ENTPD4: variants seen among roughly 807,000 people sequenced by gnomAD.
ENTPD4 encodes the protein Golgi UDPase.
ENTPD4 carries 60 observed loss-of-function variants against 79.1 expected under a neutral mutation model. That is an observed-to-expected ratio of 0.76 (90% CI 0.62 to 0.94). The LOEUF is 0.94. ENTPD4 is among the 40% of genes least tolerant of loss of function. ENTPD4 has a pLI of 0.00. For missense variants in ENTPD4, 772 were observed against 775.1 expected (o/e 1.00, Z 0.05); for synonymous variants, 276 against 292.0 (o/e 0.95, Z 0.56).
intron 8 of ENTPD4, among the ~76,000 whole-genome samples, chr8:23,441,014 A>C (rs1800658707): frequency 6.6e-6 from 1 of 152,242 alleles, no homozygotes; most frequent in African/African-American, 2.4e-5. Flanking sequence ...GGAGTAATAA[A>C]GACGTGTAGC....
At chr8:23,456,291 C>G (rs1800956690) in intron 1 of ENTPD4, among the ~76,000 whole-genome samples, 1 of 152,230 alleles carries the variant, frequency 6.6e-6, no homozygotes, top group Non-Finnish European at 1.5e-5. Context: ...ACTAACAGCA[C>G]TTCCTCCGAG....
intron 9 of ENTPD4, among the ~76,000 whole-genome samples, chr8:23,438,009 G>A (rs1487078692): frequency 6.6e-6 from 1 of 152,200 alleles, no homozygotes; most frequent in Non-Finnish European, 1.5e-5. Flanking sequence ...CCCAACTGCA[G>A]CAGACAGCAG....
intron 5 of ENTPD4, 60 bp from the exon 6 acceptor site, chr8:23,444,013 GA>G: frequency 8.6e-7 from 1 of 1,158,126 alleles, no homozygotes; most frequent in East Asian, 2.4e-5. Context: ...CTTCTGTTTA[GA>G]AAAGGAAAAA....
chr8:23,447,563 G>C (rs771612244), intron 4 of ENTPD4, 117 bp downstream of exon 4: 6 of 804,456 alleles, frequency 7.5e-6, no homozygotes, highest in African/African-American at 1.7e-5. Context: ...AGACCCATCA[G>C]GTCCTGGTGT....
In ENTPD4 at chr8:23,437,111, G is replaced by A. The variant is rs147868072; in HGVS notation, c.1197C>T (p.Ile399=). The stretch of plus-strand genomic sequence containing the variant: ...CGTTTGTTTTATTCATGAAAGGCTG[G>A]ATAGTCTCTCGACACAGGTCAAAGT... ...TGDFDLCRET[I]QPFMNKTNET... is the part of the protein sequence containing the mutation. The change falls in exon 10 of 13, where the codon ATC becomes ATT. Residue 399 remains isoleucine (I), a synonymous_variant. Coordinates refer to ENST00000358689, the MANE Select transcript of ENTPD4 (RefSeq NM_004901.5). 1.5e-5 allele frequency: 24 copies of A among 1,614,100 alleles called. No individual in the cohort carries two copies. Among genetic ancestry groups the A allele is most frequent in the Non-Finnish European group, 5.1e-6 (6 of 1,180,028 alleles).
intron 1 of ENTPD4, among the ~76,000 whole-genome samples, chr8:23,451,694 C>T (rs977033478): frequency 6.6e-6 from 1 of 152,176 alleles, no homozygotes; most frequent in Non-Finnish European, 1.5e-5. Flanking sequence ...ACCAATGTTC[C>T]GAGTGGTCTT....
At chr8:23,445,055 A>G (rs972696964) in intron 4 of ENTPD4, among the ~76,000 whole-genome samples, 1 of 152,126 alleles carries the variant, frequency 6.6e-6, no homozygotes, top group South Asian at 2.1e-4. Flanking sequence ...GCCACCCCCA[A>G]TGCATCATGG....
chr8:23,441,587 G>C lies in ENTPD4; in HGVS notation c.864C>G (p.Ser288Arg). The change falls in exon 8 of 13, where the codon AGC becomes AGG. Residue 288 changes from serine (S) to arginine (R), a missense_variant. Coordinates refer to ENST00000358689, the MANE Select transcript of ENTPD4 (RefSeq NM_004901.5). The part of the protein sequence containing the change: ...QIAYEVPKTV[S>R]FASSQQEEVA... ...TAATGACCTGCTGTGAGGACGCAAA[G>C]CTTACAGTTTTGGGGACTTCGTACG... The C allele has an allele frequency of 6.2e-7, 1 of 1,614,136 alleles. No homozygotes were observed.
Position 23,437,223 on chromosome 8 carries a change from A to AT in ENTPD4, c.1084dup (p.Met362AsnfsTer13). The AT allele has an allele frequency of 6.2e-7, 1 of 1,613,510 alleles. No homozygotes were observed. Among genetic ancestry groups the AT allele is most frequent in the South Asian group, 1.1e-5 (1 of 91,020 alleles). ...GGGTAGGCAGGGGTCCAAGTACGGC[A>AT]TATCAGGAGTCAGACCAGTCTGTTT... On this transcript the variant is annotated frameshift_variant, in exon 10 of 13. Transcript: ENST00000358689. LOFTEE classifies it high-confidence loss of function.
At chr8:23,446,493 A>T (rs1800765462) in intron 4 of ENTPD4, among the ~76,000 whole-genome samples, 4 of 152,270 alleles carry the variant, frequency 2.6e-5, no homozygotes, top group Admixed American at 2.6e-4. Flanking sequence ...AAAACTTAGA[A>T]GACACTCACT....
At chr8:23,433,177 A>C in intron 12 of ENTPD4, 23 bp from the exon 13 acceptor site, 2 of 1,604,210 alleles carry the variant, frequency 1.2e-6, no homozygotes, top group South Asian at 1.1e-5. Context: ...ACACCAAACA[A>C]CAAACAGGAC....
Position 23,429,522 on chromosome 8 carries a change from A to G in ENTPD4, c.*3404T>C, listed in dbSNP as rs114290451. The G allele has an allele frequency of 2.3e-3, 2,307 of 985,438 alleles. 33 individuals carry two copies. The African/African-American group carries it at 0.032, about 14-fold the overall frequency. The allele number at this position is 985,438 out of a possible 1,614,324, so 61.0% of individuals were successfully genotyped here. A position where few individuals can be genotyped will look rare whatever the true frequency, so the allele number is the denominator to read the frequency against. On this transcript the variant is annotated 3_prime_UTR_variant, in exon 13 of 13. Transcript: ENST00000358689. The stretch of plus-strand genomic sequence containing the variant: ...CACAACTGACCGCAGAGAATTCTAA[A>G]GCTGATTTTTTTCTTAAAGGATGAA...
At chr8:23,456,739 C>T (rs1306203738) in intron 1 of ENTPD4, among the ~76,000 whole-genome samples, 1 of 152,212 alleles carries the variant, frequency 6.6e-6, no homozygotes, top group Admixed American at 6.5e-5. Context: ...AATAATATAA[C>T]TCTTTTAGGC....
chr8:23,429,813 G>A lies in ENTPD4; in HGVS notation c.*3113C>T. Reference sequence around the variant, plus strand: ...TCAGAAAGCACTGCCTAAAGCCGGAGCTTAGGATGAACATGGGCAAAAAGC... The same window carrying A: ...TCAGAAAGCACTGCCTAAAGCCGGAACTTAGGATGAACATGGGCAAAAAGC... On this transcript the variant is annotated 3_prime_UTR_variant, in exon 13 of 13. Transcript: ENST00000358689. 3.0e-6 allele frequency: 3 copies of A among 985,454 alleles called. No homozygotes were observed. The highest frequency in any genetic ancestry group is 3.6e-6 in the Non-Finnish European group (3 of 829,934). The allele number at this position is 985,454 out of a possible 1,614,324, so 61.0% of individuals were successfully genotyped here. A position where few individuals can be genotyped will look rare whatever the true frequency, so the allele number is the denominator to read the frequency against.
chr8:23,433,890 A>G (rs1290457130), intron 12 of ENTPD4, among the ~76,000 whole-genome samples: 1 of 152,264 alleles, frequency 6.6e-6, no homozygotes, highest in Non-Finnish European at 1.5e-5. Context: ...AGAGAAGAAC[A>G]CATATTACAG....
rs760675335 is a variant in ENTPD4 at position 23,442,027 on chromosome 8, C to T, written c.707G>A (p.Arg236Gln). The T allele has an allele frequency of 5.0e-6, 8 of 1,613,364 alleles. No homozygotes were observed. Among genetic ancestry groups the T allele is most frequent in the South Asian group, 1.1e-5 (1 of 91,066 alleles). The change falls in exon 7 of 13, where the codon CGA becomes CAA. Residue 236 changes from arginine to glutamine, a missense_variant. Arg to Gln is a conservative substitution (Grantham distance 43). Coordinates refer to ENST00000358689, the MANE Select transcript of ENTPD4 (RefSeq NM_004901.5). ...CTTACCATCTTCAATATGCTCAAAT[C>T]GTCCAAGGACAAAATTAATGCCAAT... ...AWIGINFVLG[R>Q]FEHIEDDDEA...
At chr8:23,453,404 A>G (rs1800899228) in intron 1 of ENTPD4, among the ~76,000 whole-genome samples, 1 of 152,242 alleles carries the variant, frequency 6.6e-6, no homozygotes. Flanking sequence ...CCCTGCTATG[A>G]ATACACACAA....
At chr8:23,434,624 G>C (rs942967011) in intron 11 of ENTPD4, 146 bp from the exon 12 acceptor site, 62 of 1,454,362 alleles carry the variant, frequency 4.3e-5, no homozygotes, top group Non-Finnish European at 5.3e-5. Flanking sequence ...AACTGCGCGC[G>C]TTTCAAGGTT....
chr8:23,441,089 G>A (rs539598175), intron 8 of ENTPD4, among the ~76,000 whole-genome samples: 3 of 152,232 alleles, frequency 2.0e-5, no homozygotes, highest in Non-Finnish European at 4.4e-5. Flanking sequence ...GGCAGCAACT[G>A]AGAGGGCACA....
Sources: allele counts gnomAD v4.1 joint callset (sites outside exome capture counted in the v4.1 genomes callset), GRCh38; gene constraint gnomAD v4.1.1; transcripts MANE v1.5; gene names NCBI Gene and HGNC (gene_info 2026-07-23, HGNC 2026-07-21).